RBPJ: variants seen among roughly 807,000 people sequenced by gnomAD.
The protein encoded by RBPJ is recombination signal binding protein for immunoglobulin kappa J region.
RBPJ carries 9 observed loss-of-function variants against 67.8 expected under a neutral mutation model. The ratio of observed to expected loss-of-function variants is 0.13; its 90% CI spans 0.08 to 0.23. RBPJ has a LOEUF of 0.23. Ranked by LOEUF, RBPJ falls within the 10% of genes least tolerant of loss-of-function variation. The pLI is 1.00. For missense variants in RBPJ, 305 were observed against 595.6 expected, an observed-to-expected ratio of 0.51 and a Z score of 5.08; for synonymous variants, 198 against 203.3, an observed-to-expected ratio of 0.97 and a Z score of 0.22.
rs114007282 is a variant in RBPJ at position 26,399,036 on chromosome 4, A to T, written c.60-7139A>T. Among the ~76,000 whole-genome samples, 1,429 of 152,330 alleles carry T rather than the reference A, an allele frequency of 9.4e-3. 18 individuals are homozygous for T. Among genetic ancestry groups the T allele is most frequent in the African/African-American group, 0.033 (1,363 of 41,566 alleles). ...TGGCTTTTTTTGTTTTAACAAACTT[A>T]GGAATTAAAAACTTCCCTTTATATC... On this transcript the variant is annotated intron_variant, in intron 2 of 10. Transcript: ENST00000355476.
chr4:26,388,478 G>A (rs1271601858), intron 2 of RBPJ, among the ~76,000 whole-genome samples: 1 of 152,216 alleles, frequency 6.6e-6, no homozygotes, highest in East Asian at 1.9e-4. Context: ...CAATTAGAGT[G>A]TCTGTACAGT....
chr4:26,407,480 C>T lies in RBPJ; in HGVS notation c.155+1210C>T, dbSNP rs115961299. On this transcript the variant is annotated intron_variant, in intron 3 of 10. Coordinates refer to ENST00000355476, the MANE Select transcript of RBPJ (RefSeq NM_015874.6). ...TTTATTGTGGTATTCTATAAATTTC[C>T]GCATTTTTTATGTTTAATTGGGGAC... Among the ~76,000 whole-genome samples, 1,453 of 152,158 alleles carry T rather than the reference C, an allele frequency of 9.5e-3. 32 individuals carry two copies. The highest frequency in any genetic ancestry group is 0.033 in the African/African-American group (1,386 of 41,526).
At chr4:26,356,618 C>G (rs1727407881) in intron 1 of RBPJ, among the ~76,000 whole-genome samples, 1 of 152,026 alleles carries the variant, frequency 6.6e-6, no homozygotes, top group African/African-American at 2.4e-5. Flanking sequence ...TAGTTCTTTT[C>G]TTATCAGTGT....
chr4:26,131,802 A>G, the RBPJ span, among the ~76,000 whole-genome samples: 1 of 152,190 alleles, frequency 6.6e-6, no homozygotes, highest in Non-Finnish European at 1.5e-5. Context: ...GAGAGAATGA[A>G]TTCTGTTTTT....
intron 1 of RBPJ, among the ~76,000 whole-genome samples, chr4:26,369,583 T>C (rs778348633): frequency 2.0e-5 from 3 of 152,206 alleles, no homozygotes; most frequent in African/African-American, 7.2e-5. Context: ...GTGGTAGATA[T>C]CCAAGTGTGA....
At chr4:26,314,711 C>T (rs1311986060), upstream of RBPJ, among the ~76,000 whole-genome samples, 1 of 152,116 alleles carries the variant, frequency 6.6e-6, no homozygotes, top group African/African-American at 2.4e-5. Flanking sequence ...GTCATGCTTC[C>T]TGTACAGTCT....
At chr4:26,357,740 C>T (rs946685637) in intron 1 of RBPJ, among the ~76,000 whole-genome samples, 1 of 152,094 alleles carries the variant, frequency 6.6e-6, no homozygotes, top group Non-Finnish European at 1.5e-5. Flanking sequence ...CCCCATTGCC[C>T]CCAGGTCCCT....
chr4:26,187,089 T>G (rs2109136197), intron 1 of RBPJ, among the ~76,000 whole-genome samples: 1 of 152,062 alleles, frequency 6.6e-6, no homozygotes, highest in East Asian at 1.9e-4. Flanking sequence ...GGGTGTGGTG[T>G]TGCATACCTG....
intron 1 of RBPJ, among the ~76,000 whole-genome samples, chr4:26,192,528 T>C (rs549198431): frequency 1.3e-5 from 2 of 152,330 alleles, no homozygotes; most frequent in African/African-American, 4.8e-5. Flanking sequence ...CAGTATCTAA[T>C]GAGCACTTAC....
intron 1 of RBPJ, among the ~76,000 whole-genome samples, chr4:26,276,211 G>C (rs553115184): frequency 1.3e-5 from 2 of 149,944 alleles, no homozygotes; most frequent in African/African-American, 4.9e-5. Flanking sequence ...GGAGGCGGAG[G>C]CTGCAGTGGG....
At chr4:26,106,505 G>A in the RBPJ span, among the ~76,000 whole-genome samples, 40 of 152,266 alleles carry the variant, frequency 2.6e-4, no homozygotes, top group Non-Finnish European at 4.3e-4. Flanking sequence ...ATATCACCTG[G>A]TCATGTTGTT....
At chr4:26,245,708 C>T (rs1474112818) in intron 1 of RBPJ, among the ~76,000 whole-genome samples, 25 of 152,178 alleles carry the variant, frequency 1.6e-4, no homozygotes, top group Admixed American at 1.6e-3. Flanking sequence ...ATAGCTTTAG[C>T]TCTTGCAGTT....
Position 26,363,880 on chromosome 4 carries a change from T to C in RBPJ, c.21-22473T>C, listed in dbSNP as rs554883263. ...TAGTAATTCTAGTCTTCGTAATACCTACTTAATCAAAAACCTTTTAAGTTT... is the reference window on the plus strand; with the variant it reads ...TAGTAATTCTAGTCTTCGTAATACCCACTTAATCAAAAACCTTTTAAGTTT... On this transcript the variant is annotated intron_variant, in intron 1 of 10. Coordinates refer to ENST00000355476, the MANE Select transcript of RBPJ (RefSeq NM_015874.6). 2.6e-5 allele frequency among the ~76,000 whole-genome samples: 4 copies of C among 152,370 alleles called. No individual in the cohort carries two copies. The South Asian group carries it at 8.3e-4, about 32-fold the overall frequency.
rs577285810 is a variant in RBPJ at position 26,404,292 on chromosome 4, A to T, written c.60-1883A>T. Among the ~76,000 whole-genome samples, 4 of 152,232 alleles carry T rather than the reference A, an allele frequency of 2.6e-5. No homozygotes were observed. In the South Asian group the frequency reaches 6.2e-4, roughly 24 times the overall value. ...ATGCTGGATAGTAGACCTTTATCAG[A>T]TGCACAGTTTGCACGTATTTCCTCC... On this transcript the variant is annotated intron_variant, in intron 2 of 10. Transcript: ENST00000355476.
rs115928185 is a variant in RBPJ at position 26,216,794 on chromosome 4, G to A, written c.-167+53180G>A. On this transcript the variant is annotated intron_variant, in intron 1 of 4. Coordinates refer to the RBPJ transcript ENST00000512351. ...ACAAAAATTAGCTGGGTGTGGTGGT[G>A]CACACCTGCAGTCCCGGCTACTTGG... Among the ~76,000 whole-genome samples, 597 of 152,182 alleles carry A rather than the reference G, an allele frequency of 3.9e-3. 1 individual carries two copies. The highest frequency in any genetic ancestry group is 0.01 in the Middle Eastern group (3 of 294).
intron 1 of RBPJ, among the ~76,000 whole-genome samples, chr4:26,353,889 G>C (rs1000190050): frequency 3.3e-5 from 5 of 151,760 alleles, no homozygotes; most frequent in Non-Finnish European, 5.9e-5. Flanking sequence ...TGGGATTACA[G>C]TTGTAAGCTA....
intron 1 of RBPJ, among the ~76,000 whole-genome samples, chr4:26,246,865 C>T (rs374171790): frequency 2.0e-3 from 300 of 152,112 alleles, no homozygotes; most frequent in African/African-American, 6.8e-3. Flanking sequence ...TGAGGGGCCG[C>T]GCACCACTAC....
intron 1 of RBPJ, among the ~76,000 whole-genome samples, chr4:26,347,984 G>A (rs112109991): frequency 0.019 from 2,701 of 144,628 alleles, 96 homozygotes; most frequent in African/African-American, 0.065. Context: ...TTTTTAAGAT[G>A]GAGTTTGGCT....
intron 5 of RBPJ, chr4:26,420,941 G>A (rs1224975272): frequency 4.3e-6 from 2 of 461,780 alleles, no homozygotes; most frequent in East Asian, 3.8e-5. Context: ...TGCTCCCAGG[G>A]ACATTCTGGG....
Sources: allele counts gnomAD v4.1 joint callset (sites outside exome capture counted in the v4.1 genomes callset), GRCh38; gene constraint gnomAD v4.1.1; transcripts MANE v1.5; gene names NCBI Gene and HGNC (gene_info 2026-07-23, HGNC 2026-07-21).